DSCAM: variants seen among roughly 807,000 people sequenced by gnomAD.
The protein encoded by DSCAM is DS cell adhesion molecule, also known as cell adhesion molecule DSCAM.
In DSCAM, 47 loss-of-function variants were observed where a neutral mutation model predicts 217.7. That is an observed-to-expected ratio of 0.22 (90% CI 0.17 to 0.28). DSCAM has a LOEUF of 0.28. Ranked by LOEUF, DSCAM falls within the 10% of genes least tolerant of loss-of-function variation. The pLI, the probability that DSCAM is intolerant of heterozygous loss-of-function variation, is 1.00. For missense variants in DSCAM, 2,080 were observed against 2,618.3 expected (o/e 0.79, Z 4.49); for synonymous variants, 1,056 against 1,015.3 (o/e 1.04, Z -0.76).
Position 40,846,752 on chromosome 21 carries a change from TGCCCGGGGGCCGCCGCCC to T in DSCAM, c.-109_-92del. ...CCGGCTCCGCTCGCCGCTCGGCACC[TGCCCGGGGGCCGCCGCCC>T]GCCCGCCGCCCGCCGCCGCCGCCGC... On this transcript the variant is annotated 5_prime_UTR_variant, in exon 1 of 33. Coordinates refer to ENST00000400454, the MANE Select transcript of DSCAM (RefSeq NM_001389.5). 8.1e-6 allele frequency: 4 copies of T among 496,212 alleles called. No individual in the cohort carries two copies. Among genetic ancestry groups the T allele is most frequent in the Non-Finnish European group, 1.0e-5 (4 of 382,414 alleles). The allele number at this position is 496,212 out of a possible 1,614,324, so 30.7% of individuals were successfully genotyped here.
intron 3 of DSCAM, among the ~76,000 whole-genome samples, chr21:40,532,005 T>C (rs568973761): frequency 1.1e-4 from 17 of 152,292 alleles, no homozygotes; most frequent in African/African-American, 4.1e-4. Flanking sequence ...TTCCAAAGCC[T>C]CATCATTTAA....
chr21:40,039,764 G>A (rs1418186523), intron 32 of DSCAM, among the ~76,000 whole-genome samples: 1 of 152,100 alleles, frequency 6.6e-6, no homozygotes, highest in Non-Finnish European at 1.5e-5. Flanking sequence ...TAACTTGATG[G>A]CAATTTGCAG....
chr21:40,609,055 A>T (rs2089279569), intron 3 of DSCAM, among the ~76,000 whole-genome samples: 1 of 152,184 alleles, frequency 6.6e-6, no homozygotes, highest in Non-Finnish European at 1.5e-5. Flanking sequence ...CCTGGGCTCA[A>T]GCAGTCCTCC....
At chr21:40,578,658 A>G (rs113728685) in intron 3 of DSCAM, among the ~76,000 whole-genome samples, 1 of 152,110 alleles carries the variant, frequency 6.6e-6, no homozygotes. Flanking sequence ...TCTTGCTGCC[A>G]CTCACTTTTT....
At chr21:40,331,406 G>T (rs2074376913) in intron 8 of DSCAM, among the ~76,000 whole-genome samples, 1 of 152,172 alleles carries the variant, frequency 6.6e-6, no homozygotes, top group South Asian at 2.1e-4. Flanking sequence ...CGCTCACCTC[G>T]AGTGGAAGGC....
At chr21:40,607,497 G>T (rs1305239381) in intron 3 of DSCAM, among the ~76,000 whole-genome samples, 2 of 148,652 alleles carry the variant, frequency 1.3e-5, no homozygotes, top group East Asian at 4.1e-4. Context: ...AAAATGAAAA[G>T]AAGCATGATA....
At chr21:40,668,136 C>T (rs920658278) in intron 3 of DSCAM, among the ~76,000 whole-genome samples, 5 of 152,186 alleles carry the variant, frequency 3.3e-5, no homozygotes, top group African/African-American at 1.2e-4. Flanking sequence ...AGTCACTAGC[C>T]ATCCTCTACA....
Position 40,047,467 on chromosome 21 carries a change from G to A in DSCAM, c.5186-3192C>T, listed in dbSNP as rs78288297. On this transcript the variant is annotated intron_variant, in intron 30 of 32. Coordinates refer to ENST00000400454, the MANE Select transcript of DSCAM (RefSeq NM_001389.5). ...AGCAGCCCATGAGTTGGAGGGCACA[G>A]GATATAAATAGCTCATGGCCTTTCA... Among the ~76,000 whole-genome samples, 56 of 152,304 alleles carry A rather than the reference G, an allele frequency of 3.7e-4. No individual in the cohort carries two copies. In the East Asian group the frequency reaches 0.01, roughly 28 times the overall value.
intron 9 of DSCAM, among the ~76,000 whole-genome samples, chr21:40,308,586 T>C (rs1005081368): frequency 6.6e-6 from 1 of 152,198 alleles, no homozygotes; most frequent in Admixed American, 6.6e-5. Flanking sequence ...TTAGTATCTT[T>C]CAATTTCTCT....
chr21:40,172,096 T>C (rs1227816873), intron 15 of DSCAM, among the ~76,000 whole-genome samples: 2 of 152,138 alleles, frequency 1.3e-5, no homozygotes, highest in African/African-American at 4.8e-5. Context: ...TGGTGAAACA[T>C]GGTCTCTACT....
chr21:40,651,041 A>C (rs943189850), intron 3 of DSCAM, among the ~76,000 whole-genome samples: 4 of 152,138 alleles, frequency 2.6e-5, no homozygotes, highest in Admixed American at 6.5e-5. Flanking sequence ...CAAAATCTGG[A>C]GTATAACCCA....
intron 10 of DSCAM, among the ~76,000 whole-genome samples, chr21:40,289,017 A>G (rs2073860377): frequency 6.6e-6 from 1 of 152,186 alleles, no homozygotes; most frequent in African/African-American, 2.4e-5. Context: ...TCAAGTCCAA[A>G]TTTAATGACC....
At chr21:40,223,539 A>G (rs1569008864) in intron 11 of DSCAM, among the ~76,000 whole-genome samples, 3 of 107,096 alleles carry the variant, frequency 2.8e-5, no homozygotes, top group South Asian at 5.9e-4. Flanking sequence ...ACGAAAATCT[A>G]AGTTACCTTT....
intron 3 of DSCAM, among the ~76,000 whole-genome samples, chr21:40,450,703 A>C (rs8129982): frequency 0.076 from 11,637 of 152,238 alleles, 892 homozygotes; most frequent in African/African-American, 0.19. Flanking sequence ...TCTATGTTAC[A>C]TATGATTGTT....
chr21:40,381,062 C>CAAAAAAAAAAA (rs71186932), intron 3 of DSCAM, among the ~76,000 whole-genome samples: 4 of 66,216 alleles, frequency 6.0e-5, no homozygotes, highest in East Asian at 5.9e-4. Flanking sequence ...GACTCCGTCT[C>CAAAAAAAAAAA]AAAAAAAAAA....
intron 3 of DSCAM, among the ~76,000 whole-genome samples, chr21:40,556,663 G>C (rs1004475901): frequency 2.7e-4 from 32 of 119,482 alleles, no homozygotes; most frequent in African/African-American, 8.3e-4. Flanking sequence ...CAGAGAGAGA[G>C]AGGGGAGGTA....
chr21:40,719,065 G>C (rs552849308), intron 1 of DSCAM, among the ~76,000 whole-genome samples: 1 of 151,960 alleles, frequency 6.6e-6, no homozygotes, highest in African/African-American at 2.4e-5. Context: ...GCAGTGAGCC[G>C]AGATCGCACC....
At chr21:40,167,451 T>C (rs1459682621) in intron 15 of DSCAM, among the ~76,000 whole-genome samples, 163 bp from the exon 16 acceptor site, 4 of 152,352 alleles carry the variant, frequency 2.6e-5, no homozygotes, top group Admixed American at 1.3e-4. Flanking sequence ...AGAATTACTG[T>C]GTCCAACTCT....
intron 3 of DSCAM, among the ~76,000 whole-genome samples, chr21:40,534,451 A>G (rs1015110881): frequency 1.3e-5 from 2 of 152,286 alleles, no homozygotes; most frequent in East Asian, 3.9e-4. Flanking sequence ...GAAAATGTGC[A>G]CATCTCCAGG....
Sources: allele counts gnomAD v4.1 joint callset (sites outside exome capture counted in the v4.1 genomes callset), GRCh38; gene constraint gnomAD v4.1.1; transcripts MANE v1.5; gene names NCBI Gene and HGNC (gene_info 2026-07-23, HGNC 2026-07-21).